Variants in NAV2 observed in about 807,000 individuals in gnomAD.
NAV2 encodes neuron navigator 2, also known as helicase, APC down-regulated 1.
A neutral mutation model predicts 223.2 loss-of-function variants in NAV2; 54 were observed. The ratio of observed to expected loss-of-function variants is 0.24; its 90% confidence interval spans 0.19 to 0.30. The LOEUF (loss-of-function observed/expected upper bound fraction) is 0.30, where lower values mean the gene tolerates loss of function less well. NAV2 is among the 10% of genes least tolerant of loss of function. The pLI is 1.00. For missense variants in NAV2, 2,806 were observed against 3,147.5 expected, an observed-to-expected ratio of 0.89 and a Z score of 2.60; for synonymous variants, 1,279 against 1,239.3, an observed-to-expected ratio of 1.03 and a Z score of -0.67.
At chr11:19,918,094 C>A (rs535665761) in intron 6 of NAV2, among the ~76,000 whole-genome samples, 1 of 152,354 alleles carries the variant, frequency 6.6e-6, no homozygotes, top group South Asian at 2.1e-4. Context: ...TGATAATCCC[C>A]TCTTCAGGGA....
intron 1 of NAV2, among the ~76,000 whole-genome samples, chr11:19,396,178 G>C (rs1023684321): frequency 1.3e-5 from 2 of 152,210 alleles, no homozygotes; most frequent in Admixed American, 1.3e-4. Context: ...ACAGAGGAGA[G>C]AGGATGTCTT....
chr11:20,112,685 C>T (rs993960345), intron 36 of NAV2, among the ~76,000 whole-genome samples: 3 of 152,160 alleles, frequency 2.0e-5, no homozygotes, highest in African/African-American at 4.8e-5. Context: ...TGGTGTCAGT[C>T]AGGAGGGGTG....
intron 1 of NAV2, among the ~76,000 whole-genome samples, chr11:19,756,994 TGCTGGGCTGGACTGAGCTGG>T (rs1310436634): frequency 1.5e-5 from 2 of 136,458 alleles, no homozygotes; most frequent in African/African-American, 5.1e-5. Flanking sequence ...CAGGAGGGGC[TGCTGGGCTGGACTGAGCTGG>T]GCTGGGCTGG....
intron 6 of NAV2, among the ~76,000 whole-genome samples, chr11:19,923,379 G>C (rs1386915680): frequency 6.8e-6 from 1 of 147,816 alleles, no homozygotes; most frequent in Admixed American, 6.9e-5. Context: ...GTTCTGAGAA[G>C]TCCTGTAGAC....
At chr11:19,387,917 T>G (rs75239654) in intron 1 of NAV2, among the ~76,000 whole-genome samples, 1 of 152,210 alleles carries the variant, frequency 6.6e-6, no homozygotes, top group African/African-American at 2.4e-5. Flanking sequence ...TGTTCTCTTA[T>G]GCATCTCCTC....
intron 1 of NAV2, among the ~76,000 whole-genome samples, chr11:19,410,552 G>C (rs1850102073): frequency 6.6e-6 from 1 of 152,156 alleles, no homozygotes; most frequent in Admixed American, 6.5e-5. Context: ...TTTGGCTCTA[G>C]CATCTGTACT....
intron 1 of NAV2, among the ~76,000 whole-genome samples, chr11:19,821,320 G>A (rs2059370424): frequency 6.6e-6 from 1 of 151,324 alleles, no homozygotes; most frequent in African/African-American, 2.4e-5. Flanking sequence ...GTTATCCTGA[G>A]GTGTGGATGA....
intron 1 of NAV2, among the ~76,000 whole-genome samples, chr11:19,727,504 C>G (rs1228271902): frequency 6.6e-5 from 10 of 152,232 alleles, no homozygotes; most frequent in African/African-American, 2.2e-4. Context: ...CTCACTCCCT[C>G]TCCATTGCCT....
intron 3 of NAV2, among the ~76,000 whole-genome samples, chr11:19,855,664 T>C (rs1166129285): frequency 2.6e-5 from 4 of 152,322 alleles, no homozygotes; most frequent in African/African-American, 9.6e-5. Context: ...TACTTGTGCA[T>C]GCTTCTAGTG....
intron 4 of NAV2, among the ~76,000 whole-genome samples, chr11:19,873,074 G>T (rs1038484030): frequency 6.6e-6 from 1 of 152,200 alleles, no homozygotes; most frequent in Non-Finnish European, 1.5e-5. Context: ...CCTGGGGTTT[G>T]TGCTATCTGG....
At chr11:20,080,812 C>T (rs2060044646) in intron 25 of NAV2, among the ~76,000 whole-genome samples, 1 of 152,206 alleles carries the variant, frequency 6.6e-6, no homozygotes, top group African/African-American at 2.4e-5. Flanking sequence ...CTCCATGTTT[C>T]ATAATCCCAG....
Position 19,713,682 on chromosome 11 carries a change from A to G in NAV2, c.-14A>G, listed in dbSNP as rs574583705. The G allele has an allele frequency of 3.2e-6, 5 of 1,543,884 alleles. No individual in the cohort carries two copies. The highest frequency in any genetic ancestry group is 2.3e-5 in the East Asian group (1 of 43,516). On this transcript the variant is annotated 5_prime_UTR_variant, in exon 1 of 38. Coordinates refer to ENST00000349880, the MANE Select transcript of NAV2 (RefSeq NM_145117.5). The surrounding 1 kb of genome is among the most constrained non-coding windows in gnomAD (Gnocchi z 7.2). ...GCCAGGGACGTGCTGGGAAAGCCCAAGCCCCGGGAGAAGATGCCGGCCATC... is the reference window on the plus strand; with the variant it reads ...GCCAGGGACGTGCTGGGAAAGCCCAGGCCCCGGGAGAAGATGCCGGCCATC...
intron 36 of NAV2, among the ~76,000 whole-genome samples, chr11:20,111,402 C>G (rs954472560): frequency 6.6e-6 from 1 of 152,216 alleles, no homozygotes; most frequent in Non-Finnish European, 1.5e-5. Context: ...AGCTGAGGAG[C>G]TTTATGATGT....
intron 24 of NAV2, among the ~76,000 whole-genome samples, chr11:20,079,498 T>C: frequency 6.6e-6 from 1 of 152,346 alleles, no homozygotes; most frequent in South Asian, 2.1e-4. Flanking sequence ...ATGTCAGATA[T>C]CACACATTTT....
At chr11:19,456,743 C>T (rs1044679729) in intron 1 of NAV2, among the ~76,000 whole-genome samples, 4 of 152,214 alleles carry the variant, frequency 2.6e-5, no homozygotes, top group African/African-American at 4.8e-5. Context: ...GAACCCAGGT[C>T]GTCTGACCCC....
chr11:20,032,409 G>C (rs1284807168), intron 11 of NAV2, among the ~76,000 whole-genome samples: 3 of 152,126 alleles, frequency 2.0e-5, no homozygotes, highest in Admixed American at 6.5e-5. Flanking sequence ...ATATTATGTT[G>C]GTGTTGAAAG....
intron 1 of NAV2, among the ~76,000 whole-genome samples, chr11:19,578,763 T>G (rs908142096): frequency 6.6e-6 from 1 of 152,196 alleles, no homozygotes; most frequent in Non-Finnish European, 1.5e-5. Context: ...TCTATGGTTG[T>G]TTTTTGCACT....
chr11:19,498,048 C>T lies in NAV2; in HGVS notation c.75+147021C>T, dbSNP rs115566396. On this transcript the variant is annotated intron_variant, in intron 1 of 37. Coordinates refer to the NAV2 transcript ENST00000360655. ...GCACTGAGAAGTTAAGTGACTTGCACGAGGACATGCACTTAGGAAGTGATA... is the reference window on the plus strand; with the variant it reads ...GCACTGAGAAGTTAAGTGACTTGCATGAGGACATGCACTTAGGAAGTGATA... 5.1e-3 allele frequency among the ~76,000 whole-genome samples: 773 copies of T among 152,290 alleles called. 8 individuals carry two copies. The highest frequency in any genetic ancestry group is 0.017 in the African/African-American group (720 of 41,554).
intron 1 of NAV2, among the ~76,000 whole-genome samples, chr11:19,488,842 A>G (rs2042531801): frequency 6.6e-6 from 1 of 152,236 alleles, no homozygotes; most frequent in African/African-American, 2.4e-5. Flanking sequence ...TGGGCAAGGC[A>G]TGAGTCCAAA....
Sources: allele counts gnomAD v4.1 joint callset (sites outside exome capture counted in the v4.1 genomes callset), GRCh38; gene constraint gnomAD v4.1.1; non-coding constraint Gnocchi (gnomAD v3.1); transcripts MANE v1.5; gene names NCBI Gene and HGNC (gene_info 2026-07-23, HGNC 2026-07-21).